Variants in HECW2 observed in about 807,000 individuals in gnomAD.
HECW2 encodes the protein HECT, C2 and WW domain containing E3 ubiquitin protein ligase 2.
A neutral mutation model predicts 175.2 loss-of-function variants in HECW2; 61 were observed. That is an observed-to-expected ratio of 0.35 (90% CI 0.28 to 0.43). The LOEUF (loss-of-function observed/expected upper bound fraction) is 0.43. Among genes scored for constraint, HECW2 ranks in the 20% least tolerant of loss-of-function variants. The probability of loss-of-function intolerance (pLI) is 1.00; values close to 1 mark genes in which losing one functional copy is unlikely to be tolerated. For synonymous variants in HECW2, 671 were observed against 731.0 expected, an observed-to-expected ratio of 0.92 and a Z score of 1.32; for missense variants, 1,524 against 2,000.5, an observed-to-expected ratio of 0.76 and a Z score of 4.54.
At chr2:196,261,054 A>G (rs528708062) in intron 17 of HECW2, among the ~76,000 whole-genome samples, 17 of 152,236 alleles carry the variant, frequency 1.1e-4, no homozygotes, top group South Asian at 4.2e-4. Context: ...TTTTAAAGGG[A>G]CGGCGAACAC....
At chr2:196,434,820 T>C (rs1695823194) in intron 1 of HECW2, among the ~76,000 whole-genome samples, 1 of 152,208 alleles carries the variant, frequency 6.6e-6, no homozygotes, top group Non-Finnish European at 1.5e-5. Context: ...ACACTACCAC[T>C]TCTCATATGA....
At chr2:196,571,567 G>A (rs183662049) in intron 1 of HECW2, among the ~76,000 whole-genome samples, 1 of 151,916 alleles carries the variant, frequency 6.6e-6, no homozygotes, top group Admixed American at 6.6e-5. Context: ...AAATTAGCCG[G>A]GTGTGCTGAC....
At chr2:196,501,924 G>GA (rs1310976725) in intron 1 of HECW2, among the ~76,000 whole-genome samples, 2 of 151,970 alleles carry the variant, frequency 1.3e-5, no homozygotes, top group Non-Finnish European at 2.9e-5. Flanking sequence ...TCCCAAAAAG[G>GA]AAAAAAGACA....
intron 1 of HECW2, among the ~76,000 whole-genome samples, chr2:196,521,100 T>A (rs1227065538): frequency 6.6e-6 from 1 of 151,994 alleles, no homozygotes; most frequent in Non-Finnish European, 1.5e-5. Flanking sequence ...GTAGGTACTA[T>A]CATTCCATTT....
chr2:196,586,179 T>C (rs1690967741), intron 1 of HECW2, among the ~76,000 whole-genome samples: 1 of 152,196 alleles, frequency 6.6e-6, no homozygotes, highest in African/African-American at 2.4e-5. Flanking sequence ...ACTTCCTTAA[T>C]TTACAGTCAA....
chr2:196,258,558 C>T (rs1441746649), intron 17 of HECW2, among the ~76,000 whole-genome samples: 1 of 152,122 alleles, frequency 6.6e-6, no homozygotes, highest in Non-Finnish European at 1.5e-5. Context: ...TGAGTTATTT[C>T]TACCATTATT....
chr2:196,257,920 G>A lies in HECW2; in HGVS notation c.3336-14C>T. 6.3e-7 allele frequency: 1 copy of A among 1,586,176 alleles called. No homozygotes were observed. The highest frequency in any genetic ancestry group is 8.7e-7 in the Non-Finnish European group (1 of 1,154,792). On this transcript the variant is annotated splice_polypyrimidine_tract_variant and intron_variant, in intron 17 of 28. Transcript: ENST00000644978. ...TGGATCTTCTCCCTAATCAAGAAAAGAAACAGCACAAAATGTATATGGTAG... is the reference window on the plus strand; with the variant it reads ...TGGATCTTCTCCCTAATCAAGAAAAAAAACAGCACAAAATGTATATGGTAG...
intron 14 of HECW2, among the ~76,000 whole-genome samples, chr2:196,280,200 T>C (rs1690132938): frequency 6.6e-6 from 1 of 152,146 alleles, no homozygotes; most frequent in Non-Finnish European, 1.5e-5. Flanking sequence ...TCAGTACCTA[T>C]AAACCAAGTA....
intron 1 of HECW2, among the ~76,000 whole-genome samples, chr2:196,581,168 C>A (rs1690765797): frequency 6.6e-6 from 1 of 152,106 alleles, no homozygotes; most frequent in South Asian, 2.1e-4. Flanking sequence ...TATGTAGTTT[C>A]TATTTAGAGG....
intron 13 of HECW2, among the ~76,000 whole-genome samples, chr2:196,304,068 C>G (rs1691169908): frequency 6.6e-6 from 1 of 152,176 alleles, no homozygotes; most frequent in African/African-American, 2.4e-5. Flanking sequence ...TTAAAAAACT[C>G]TAAATTACTC....
intron 1 of HECW2, among the ~76,000 whole-genome samples, chr2:196,467,339 T>C (rs13395511): frequency 6.6e-6 from 1 of 152,012 alleles, no homozygotes; most frequent in Non-Finnish European, 1.5e-5. Context: ...CTACAGAATC[T>C]GGAATCAAAC....
chr2:196,288,653 T>C lies in HECW2; in HGVS notation c.3000+3912A>G, dbSNP rs940333066. The C allele has an allele frequency of 2.0e-5, 3 of 152,242 alleles. No individual in the cohort carries two copies. The East Asian group carries it at 5.8e-4, about 29-fold the overall frequency. 9.4% of individuals were successfully genotyped at this position (152,242 alleles called of 1,614,324 possible). A position where few individuals can be genotyped will look rare whatever the true frequency, so the allele number is the denominator to read the frequency against. ...AATTAACAAATCTGTATTATTTTCA[T>C]GAAATGCCAAACTGATGAGATTTTT... On this transcript the variant is annotated intron_variant, in intron 14 of 28. Transcript: ENST00000644978.
intron 21 of HECW2, among the ~76,000 whole-genome samples, chr2:196,235,217 C>T (rs1416385544): frequency 6.6e-6 from 1 of 151,678 alleles, no homozygotes; most frequent in Non-Finnish European, 1.5e-5. Flanking sequence ...CCTGCCTCAG[C>T]CACCCTAGAA....
At chr2:196,247,647 A>G (rs1342794129) in intron 19 of HECW2, among the ~76,000 whole-genome samples, 1 of 152,204 alleles carries the variant, frequency 6.6e-6, no homozygotes, top group Non-Finnish European at 1.5e-5. Context: ...GAACTTCTAT[A>G]TTGTGTTACC....
chr2:196,369,796 G>A (rs1301486192), intron 2 of HECW2, among the ~76,000 whole-genome samples: 4 of 151,658 alleles, frequency 2.6e-5, no homozygotes, highest in Admixed American at 6.6e-5. Flanking sequence ...TCTCCCTATG[G>A]CCACTACTGC....
Position 196,503,433 on chromosome 2 carries a change from G to T in HECW2, c.-35-69975C>A, listed in dbSNP as rs373465614. 5.3e-5 allele frequency among the ~76,000 whole-genome samples: 8 copies of T among 152,322 alleles called. No individual in the cohort carries two copies. In the East Asian group the frequency reaches 1.4e-3, roughly 26 times the overall value. On this transcript the variant is annotated intron_variant, in intron 1 of 28. Coordinates refer to ENST00000644978, the MANE Select transcript of HECW2 (RefSeq NM_001348768.2). ...TGGGCAGTAGTGGGTTCATCTACAG[G>T]CAGAGGTAGATTGTTCAGTGTCAGT...
intron 14 of HECW2, 71 bp from the exon 15 acceptor site, chr2:196,278,733 C>A: frequency 1.3e-6 from 2 of 1,532,646 alleles, no homozygotes; most frequent in South Asian, 1.1e-5. Flanking sequence ...ATCAGACGGT[C>A]AGGAAAAGAC....
chr2:196,471,943 C>T (rs181828561), intron 1 of HECW2, among the ~76,000 whole-genome samples: 18 of 150,126 alleles, frequency 1.2e-4, no homozygotes, highest in African/African-American at 4.4e-4. Flanking sequence ...TAAAACAAAC[C>T]TGCATGTGTA....
chr2:196,497,173 T>C (rs1687421697), intron 1 of HECW2, among the ~76,000 whole-genome samples: 1 of 152,196 alleles, frequency 6.6e-6, no homozygotes, highest in African/African-American at 2.4e-5. Flanking sequence ...AAAATATGCA[T>C]GCTAAAAATG....
Sources: gnomAD v4.1 joint callset for allele counts (sites outside exome capture counted in the v4.1 genomes callset) on GRCh38, gnomAD v4.1.1 for gene constraint, MANE v1.5 for transcripts, NCBI Gene and HGNC (gene_info 2026-07-23, HGNC 2026-07-21) for gene names.